The following ADCY1 variants were observed in gnomAD, a reference collection of about 807,000 sequenced individuals.
The protein encoded by ADCY1 is adenylate cyclase 1, also known as adenylate cyclase type 1.
In ADCY1, 28 loss-of-function variants were observed where a neutral mutation model predicts 105.4. The observed-to-expected ratio is 0.27, with a 90% CI of 0.20 to 0.36. The LOEUF (loss-of-function observed/expected upper bound fraction) is 0.36, where lower values mean the gene tolerates loss of function less well. Ranked by LOEUF, ADCY1 falls within the 10% of genes least tolerant of loss-of-function variation. ADCY1 has a pLI of 1.00. For missense variants in ADCY1, 977 were observed against 1,434.2 expected (o/e 0.68, Z 5.15); for synonymous variants, 655 against 623.8 (o/e 1.05, Z -0.75).
At position 45,686,012 on chromosome 7, in the gene ADCY1, G is replaced by A. The variant is rs758582806; in HGVS notation, c.2124G>A (p.Val708=). 1 of 1,614,048 alleles carries A rather than the reference G, an allele frequency of 6.2e-7. No homozygotes were observed. The highest frequency in any genetic ancestry group is 8.5e-7 in the Non-Finnish European group (1 of 1,180,006). Residue 708 remains valine, a synonymous_variant, in exon 13 of 20, where the codon GTG becomes GTA. Coordinates refer to ENST00000297323, the MANE Select transcript of ADCY1 (RefSeq NM_021116.4). This position sits in a 1 kb window ranked among gnomAD's most constrained non-coding sequence, Gnocchi z 4.3. ...GCTCCAAGCCCAACAGTTCCCTGGT[G>A]GTCCTTTCGTCTGGGGGCCAGCGCA... ...AWSSKPNSSL[V]VLSSGGQRTA...
intron 4 of ADCY1, among the ~76,000 whole-genome samples, chr7:45,645,484 C>G (rs1794636412): frequency 6.6e-6 from 1 of 152,120 alleles, no homozygotes; most frequent in Non-Finnish European, 1.5e-5. Flanking sequence ...CCACCTTTGC[C>G]TTTTACCCTG....
At chr7:45,654,302 T>G (rs1794885575) in intron 5 of ADCY1, among the ~76,000 whole-genome samples, 1 of 152,262 alleles carries the variant, frequency 6.6e-6, no homozygotes, top group Non-Finnish European at 1.5e-5. Context: ...TTCTTCCACA[T>G]GACCACCAAG....
Position 45,719,758 on chromosome 7 carries a change from TAC to T in ADCY1, c.*5765_*5766del, listed in dbSNP as rs1285037311. On this transcript the variant is annotated 3_prime_UTR_variant, in exon 20 of 20. Transcript: ENST00000297323. ...TATGAGGAACAAAATTAAATTTGAA[TAC>T]AGTCAGATAACTGCCACGCAGGGCA... 1 of 152,216 alleles carries T rather than the reference TAC, an allele frequency of 6.6e-6. No individual in the cohort carries two copies. The highest frequency in any genetic ancestry group is 6.5e-5 in the Admixed American group (1 of 15,286). 9.4% of individuals were successfully genotyped at this position (152,216 alleles called of 1,614,324 possible).
At chr7:45,616,202 A>G (rs1793733106) in intron 3 of ADCY1, among the ~76,000 whole-genome samples, 2 of 152,202 alleles carry the variant, frequency 1.3e-5, no homozygotes, top group Admixed American at 6.5e-5. Context: ...AAACCCAACA[A>G]CGAAAAGTCC....
chr7:45,685,253 C>T (rs1477840319), intron 12 of ADCY1, among the ~76,000 whole-genome samples, 185 bp downstream of exon 12: 1 of 152,190 alleles, frequency 6.6e-6, no homozygotes, highest in Non-Finnish European at 1.5e-5. Context: ...TGCAAATTCT[C>T]CCTGGTGAAA....
chr7:45,630,958 G>T (rs1048316407), intron 4 of ADCY1, among the ~76,000 whole-genome samples: 6 of 151,964 alleles, frequency 3.9e-5, no homozygotes, highest in African/African-American at 1.5e-4. Flanking sequence ...AATCTCTCTG[G>T]ATTTCAGTCT....
intron 1 of ADCY1, among the ~76,000 whole-genome samples, chr7:45,586,249 C>T (rs986132398): frequency 2.6e-5 from 4 of 152,024 alleles, no homozygotes; most frequent in Non-Finnish European, 5.9e-5. Context: ...CCTAACACCC[C>T]CTTGGAACTG....
intron 8 of ADCY1, among the ~76,000 whole-genome samples, chr7:45,673,311 T>C (rs1443902070): frequency 1.3e-5 from 2 of 152,164 alleles, no homozygotes; most frequent in African/African-American, 4.8e-5. Flanking sequence ...ACTTGGGAAG[T>C]GTTGCTTCCT....
intron 2 of ADCY1, among the ~76,000 whole-genome samples, chr7:45,606,471 A>G (rs1021542460): frequency 1.3e-5 from 2 of 152,164 alleles, no homozygotes; most frequent in Non-Finnish European, 2.9e-5. Flanking sequence ...GTCTGTGCCT[A>G]TTGGTATTGC....
chr7:45,601,414 G>A (rs1467826234), intron 2 of ADCY1, among the ~76,000 whole-genome samples: 2 of 152,166 alleles, frequency 1.3e-5, no homozygotes, highest in African/African-American at 2.4e-5. Context: ...AGGGGCGGTG[G>A]TATCCATACC....
chr7:45,690,484 G>T (rs1784765087), intron 14 of ADCY1, among the ~76,000 whole-genome samples: 1 of 152,204 alleles, frequency 6.6e-6, no homozygotes, highest in African/African-American at 2.4e-5. Flanking sequence ...GAGGAACTGG[G>T]AATGCTCTCC....
Position 45,574,585 on chromosome 7 carries a change from C to A in ADCY1, c.42C>A (p.Gly14=). 4 of 1,026,800 alleles carry A rather than the reference C, an allele frequency of 3.9e-6. No homozygotes were observed. The highest frequency in any genetic ancestry group is 4.7e-6 in the Non-Finnish European group (4 of 859,272). 63.6% of individuals were successfully genotyped at this position (1,026,800 alleles called of 1,614,324 possible). Residue 14 remains glycine, a synonymous_variant, in exon 1 of 20, where the codon GGC becomes GGA. Coordinates refer to ENST00000297323, the MANE Select transcript of ADCY1 (RefSeq NM_021116.4). This position sits in a 1 kb window ranked among gnomAD's most constrained non-coding sequence, Gnocchi z 7.0. ...GCGGCGGAGGCGGCGGCGGAGGCGG[C>A]GCGGGCGAGCCCGGGGGCGCCGAGC... The part of the protein sequence containing the change: ...APRGGGGGGG[G]AGEPGGAERA...
At chr7:45,676,802 G>A (rs967008579) in intron 8 of ADCY1, among the ~76,000 whole-genome samples, 1 of 150,992 alleles carries the variant, frequency 6.6e-6, no homozygotes, top group Non-Finnish European at 1.5e-5. Context: ...CTCCCCACAT[G>A]GTCTTTGCTG....
In ADCY1 at chr7:45,714,213, C is replaced by T; in HGVS notation, c.*218C>T. 1 of 576,400 alleles carries T rather than the reference C, an allele frequency of 1.7e-6. No individual in the cohort carries two copies. The highest frequency in any genetic ancestry group is 3.0e-5 in the Admixed American group (1 of 32,962). 35.7% of individuals were successfully genotyped at this position (576,400 alleles called of 1,614,324 possible). On this transcript the variant is annotated 3_prime_UTR_variant, in exon 20 of 20. Coordinates refer to ENST00000297323, the MANE Select transcript of ADCY1 (RefSeq NM_021116.4). ...GACTCGGTGAGGGGAGGACACCCGA[C>T]TGTGCACACTTCCAGGCCTCCCTGG...
chr7:45,672,248 C>A (rs1358160372), intron 8 of ADCY1, among the ~76,000 whole-genome samples: 1 of 152,106 alleles, frequency 6.6e-6, no homozygotes, highest in Non-Finnish European at 1.5e-5. Flanking sequence ...GTCAGTTGGC[C>A]ATACTTATGT....
chr7:45,648,795 C>T lies in ADCY1; in HGVS notation c.1146C>T (p.Ile382=), dbSNP rs1223348066. The T allele has an allele frequency of 6.2e-7, 1 of 1,614,040 alleles. No individual in the cohort carries two copies. The highest frequency in any genetic ancestry group is 1.7e-5 in the Admixed American group (1 of 60,032). The change falls in exon 5 of 20, where the codon ATC becomes ATT. Residue 382 remains isoleucine (I), a splice_region_variant and synonymous_variant. Transcript: ENST00000297323. ...TGGGACTCGACATGATTGATACCAT[C>T]ACGTAAGTACCCCGTGGGGCTGAGA... ...VEMGLDMIDT[I]TSVAEATEVD...
At chr7:45,700,787 C>T (rs1331134766) in intron 14 of ADCY1, among the ~76,000 whole-genome samples, 1 of 152,166 alleles carries the variant, frequency 6.6e-6, no homozygotes, top group Non-Finnish European at 1.5e-5. Context: ...GTAGTAAACA[C>T]GTTGTTGATT....
At chr7:45,657,664 A>G in intron 5 of ADCY1, 63 bp from the exon 6 acceptor site, 1 of 1,541,072 alleles carries the variant, frequency 6.5e-7, no homozygotes, top group Non-Finnish European at 8.8e-7. Flanking sequence ...AGTGCAGACC[A>G]AGGTGGCCCC....
Position 45,708,540 on chromosome 7 carries a change from A to G in ADCY1, c.2932+76A>G. ...ACCCACCTAGGGGTGGGATCAGCTGATGAGGTACCCTGGTCTTACAGGAAG... is the reference window on the plus strand; with the variant it reads ...ACCCACCTAGGGGTGGGATCAGCTGGTGAGGTACCCTGGTCTTACAGGAAG... On this transcript the variant is annotated intron_variant, in intron 18 of 19. Transcript: ENST00000297323. The surrounding 1 kb of genome is among the most constrained non-coding windows in gnomAD (Gnocchi z 4.7). 8.7e-7 allele frequency: 1 copy of G among 1,146,602 alleles called. No homozygotes were observed. The highest frequency in any genetic ancestry group is 1.3e-6 in the Non-Finnish European group (1 of 767,868). The allele number at this position is 1,146,602 out of a possible 1,614,324, so 71.0% of individuals were successfully genotyped here.
Sources: allele counts gnomAD v4.1 joint callset (sites outside exome capture counted in the v4.1 genomes callset), GRCh38; gene constraint gnomAD v4.1.1; non-coding constraint Gnocchi (gnomAD v3.1); transcripts MANE v1.5; gene names NCBI Gene and HGNC (gene_info 2026-07-23, HGNC 2026-07-21).